DMD: variants seen among roughly 807,000 people sequenced by gnomAD.
DMD encodes the protein dystrophin, also known as mutant dystrophin.
In DMD, 63 loss-of-function variants were observed where a neutral mutation model predicts 330.1. The observed-to-expected ratio is 0.19, with a 90% CI of 0.16 to 0.24. The LOEUF (loss-of-function observed/expected upper bound fraction) is 0.24. DMD is among the 10% of genes least tolerant of loss of function. The pLI is 1.00. For synonymous variants in DMD, 1,223 were observed against 959.8 expected (o/e 1.27, Z -5.07); for missense variants, 3,344 against 2,684.1 (o/e 1.25, Z -5.43).
chrX:32,781,502 C>A (rs1183303171), intron 7 of DMD, among the ~76,000 whole-genome samples: 1 of 111,223 alleles, frequency 9.0e-6, no homozygotes, highest in East Asian at 2.8e-4. Context: ...CATTTTCTTG[C>A]ATTCTCATAT....
chrX:31,487,292 T>C (rs1199465207), intron 57 of DMD, among the ~76,000 whole-genome samples: 1 of 107,838 alleles, frequency 9.3e-6, no homozygotes, highest in African/African-American at 3.4e-5. Flanking sequence ...GGAGTCTCGC[T>C]CTGTCACTCA....
chrX:33,270,418 G>C (rs2053133881), intron 1 of DMD, among the ~76,000 whole-genome samples: 2 of 111,000 alleles, frequency 1.8e-5, no homozygotes, highest in Admixed American at 1.9e-4. Context: ...AAATCACCAG[G>C]GCTGAGAATA....
intron 50 of DMD, among the ~76,000 whole-genome samples, chrX:31,797,921 G>C (rs2091900093): frequency 1.8e-5 from 2 of 112,004 alleles, no homozygotes; most frequent in Admixed American, 1.9e-4. Flanking sequence ...TTCAGTGAGA[G>C]GAGCTGAAGA....
intron 9 of DMD, among the ~76,000 whole-genome samples, chrX:32,653,411 G>A (rs1183856999): frequency 2.7e-5 from 3 of 111,874 alleles, no homozygotes; most frequent in African/African-American, 9.8e-5. Flanking sequence ...TTATTAAATA[G>A]GGAATCCTTT....
intron 60 of DMD, among the ~76,000 whole-genome samples, chrX:31,359,240 G>A (rs2058815387): frequency 8.9e-6 from 1 of 112,303 alleles, no homozygotes; most frequent in South Asian, 3.7e-4. Context: ...ATTTGACAGT[G>A]TATCACAACT....
At chrX:33,073,942 G>T (rs985961249) in intron 1 of DMD, among the ~76,000 whole-genome samples, 1 of 111,718 alleles carries the variant, frequency 9.0e-6, no homozygotes, top group African/African-American at 3.3e-5. Context: ...TTATTATTTT[G>T]CATTTAACAA....
At chrX:31,736,672 AATACTC>A (rs2086894749) in intron 51 of DMD, among the ~76,000 whole-genome samples, 1 of 111,998 alleles carries the variant, frequency 8.9e-6, no homozygotes. Flanking sequence ...CTAGCAAACA[AATACTC>A]ATAAACAATT....
At chrX:31,129,931 G>A (rs897750595) in intron 77 of DMD, among the ~76,000 whole-genome samples, 12 of 111,741 alleles carry the variant, frequency 1.1e-4, no homozygotes, top group Admixed American at 1.9e-4. Flanking sequence ...TAGAATGTAC[G>A]CGGGCTTATT....
At chrX:32,731,394 C>T (rs968416152) in intron 7 of DMD, among the ~76,000 whole-genome samples, 6 of 112,689 alleles carry the variant, frequency 5.3e-5, no homozygotes, top group African/African-American at 1.6e-4. Flanking sequence ...GAAGCTTGAA[C>T]TGGGTGGAGC....
rs57151769 is a variant in DMD at position 32,435,211 on chromosome X, G to GATATATATAT, written c.4071+3020_4071+3029dup. Among the ~76,000 whole-genome samples, 147 of 94,686 alleles carry GATATATATAT rather than the reference G, an allele frequency of 1.6e-3. 2 individuals are homozygous for GATATATATAT. The highest frequency in any genetic ancestry group is 1.9e-3 in the Non-Finnish European group (89 of 47,901). 82.2% of individuals were successfully genotyped at this position (94,686 alleles called of 115,157 possible). ...ATTTACCAATCACTGCCCTCAGTGG[G>GATATATATAT]ATATATATATATGTATATTTACATA... On this transcript the variant is annotated intron_variant, in intron 29 of 78. Transcript: ENST00000357033.
intron 60 of DMD, among the ~76,000 whole-genome samples, chrX:31,399,651 G>C (rs1027080053): frequency 9.0e-6 from 1 of 111,428 alleles, no homozygotes; most frequent in Non-Finnish European, 1.9e-5. Flanking sequence ...GACCTGGAGG[G>C]AGAGAAAGCT....
intron 44 of DMD, among the ~76,000 whole-genome samples, chrX:32,125,709 C>G (rs754054693): frequency 8.9e-6 from 1 of 111,904 alleles, no homozygotes; most frequent in African/African-American, 3.2e-5. Flanking sequence ...GAATCAGAAT[C>G]AAACCCTGTT....
chrX:33,124,072 A>T (rs1325719800), intron 1 of DMD, among the ~76,000 whole-genome samples: 2 of 110,666 alleles, frequency 1.8e-5, no homozygotes, highest in African/African-American at 6.6e-5. Context: ...AGGCTGAGGC[A>T]GAAGAATTGC....
At chrX:32,327,655 TC>T (rs887414256) in intron 41 of DMD, among the ~76,000 whole-genome samples, 1 of 111,441 alleles carries the variant, frequency 9.0e-6, no homozygotes, top group African/African-American at 3.3e-5. Flanking sequence ...AGATAGTTTC[TC>T]CTAAAATAGC....
At chrX:32,783,792 G>T (rs1164312884) in intron 7 of DMD, among the ~76,000 whole-genome samples, 1 of 111,211 alleles carries the variant, frequency 9.0e-6, no homozygotes, top group African/African-American at 3.3e-5. Flanking sequence ...AGTATCTGGA[G>T]TTCCTAGAAC....
intron 59 of DMD, among the ~76,000 whole-genome samples, chrX:31,474,860 C>T (rs1443580634): frequency 9.0e-6 from 1 of 110,682 alleles, no homozygotes; most frequent in Admixed American, 9.7e-5. Context: ...AAGTACACTT[C>T]TACTTTTTTT....
chrX:31,635,605 C>T (rs972517146), intron 54 of DMD, among the ~76,000 whole-genome samples: 3 of 111,722 alleles, frequency 2.7e-5, no homozygotes, highest in Non-Finnish European at 5.7e-5. Context: ...AAAAACATAT[C>T]AACAGATGAA....
rs140960174 is a variant in DMD at position 32,380,343 on chromosome X, G to A, written c.4845+167C>T. ...GAGACTCCTGCTAAAGCTTACCATT[G>A]GTTTTATCATGGTCCTGAAAAGCAC... On this transcript the variant is annotated intron_variant, in intron 34 of 78. Transcript: ENST00000357033. Among the ~76,000 whole-genome samples the A allele has an allele frequency of 0.018, 1,969 of 111,292 alleles. 49 individuals carry two copies. The highest frequency in any genetic ancestry group is 0.061 in the African/African-American group (1,863 of 30,609).
At chrX:33,263,433 T>TAGA (rs1557310295) in intron 1 of DMD, among the ~76,000 whole-genome samples, 3 of 105,220 alleles carry the variant, frequency 2.9e-5, no homozygotes, top group Admixed American at 1.0e-4. Flanking sequence ...GAGAGCTTTT[T>TAGA]AAAAAATATA....
Sources: allele counts gnomAD v4.1 joint callset (sites outside exome capture counted in the v4.1 genomes callset), GRCh38; gene constraint gnomAD v4.1.1; transcripts MANE v1.5; gene names NCBI Gene and HGNC (gene_info 2026-07-23, HGNC 2026-07-21).